The following DPP10 variants were observed in gnomAD, a reference collection of about 807,000 sequenced individuals.
The protein encoded by DPP10 is dipeptidyl peptidase like 10, also known as inactive dipeptidyl peptidase 10.
In DPP10, 33 loss-of-function variants were observed where a neutral mutation model predicts 120.9. That is an observed-to-expected ratio of 0.27 (90% confidence interval 0.21 to 0.37). The LOEUF is 0.37. DPP10 is among the 10% of genes least tolerant of loss of function. The pLI, the probability that DPP10 is intolerant of heterozygous loss-of-function variation, is 1.00. For missense variants in DPP10, 816 were observed against 942.8 expected (o/e 0.87, Z 1.76); for synonymous variants, 337 against 326.1 (o/e 1.03, Z -0.36).
chr2:115,292,908 C>T (rs774446229), intron 1 of DPP10, among the ~76,000 whole-genome samples: 14 of 152,036 alleles, frequency 9.2e-5, no homozygotes, highest in Admixed American at 2.0e-4. Flanking sequence ...GACAAGTGAA[C>T]GCCAAGGTCA....
intron 1 of DPP10, among the ~76,000 whole-genome samples, chr2:114,793,684 C>G (rs893851545): frequency 1.3e-5 from 2 of 152,156 alleles, no homozygotes; most frequent in African/African-American, 4.8e-5. Context: ...AAAGCGCCTA[C>G]TTTGGCCATC....
At chr2:114,567,947 C>T (rs749594436) in intron 1 of DPP10, among the ~76,000 whole-genome samples, 3 of 150,982 alleles carry the variant, frequency 2.0e-5, no homozygotes, top group African/African-American at 7.3e-5. Flanking sequence ...TTGATCGGTG[C>T]AGCAAACCAC....
rs1422176443 is a variant in DPP10 at position 115,660,608 on chromosome 2, C to G, written c.442-29079C>G. Among the ~76,000 whole-genome samples, 3 of 138,156 alleles carry G rather than the reference C, an allele frequency of 2.2e-5. No individual in the cohort carries two copies. In the Admixed American group the frequency reaches 2.3e-4, roughly 11 times the overall value. The allele number at this position is 138,156 out of a possible 152,430, so 90.6% of individuals were successfully genotyped here. A position where few individuals can be genotyped will look rare whatever the true frequency, so the allele number is the denominator to read the frequency against. The stretch of plus-strand genomic sequence containing the variant: ...TAAAATTATCATCTTATCTTAGACC[C>G]CATTATAATTCTTGTCTCATTCCTT... On this transcript the variant is annotated intron_variant, in intron 5 of 25. Transcript: ENST00000410059.
At chr2:115,024,706 T>C (rs1456706980) in intron 1 of DPP10, among the ~76,000 whole-genome samples, 2 of 147,886 alleles carry the variant, frequency 1.4e-5, no homozygotes, top group Admixed American at 6.8e-5. Context: ...TATATATATA[T>C]TTGTTAAATA....
chr2:114,581,340 C>T (rs1397541207), intron 1 of DPP10, among the ~76,000 whole-genome samples: 4 of 151,652 alleles, frequency 2.6e-5, no homozygotes, highest in South Asian at 2.1e-4. Context: ...CCCACCACCA[C>T]GCCTGGCTAA....
intron 3 of DPP10, among the ~76,000 whole-genome samples, chr2:115,372,822 G>A (rs528230531): frequency 6.6e-6 from 1 of 152,222 alleles, no homozygotes; most frequent in East Asian, 1.9e-4. Flanking sequence ...ATTCCTGGCA[G>A]GTTTGTACTG....
At chr2:114,644,250 A>G (rs1351623789) in intron 1 of DPP10, among the ~76,000 whole-genome samples, 4 of 151,288 alleles carry the variant, frequency 2.6e-5, no homozygotes, top group South Asian at 2.1e-4. Flanking sequence ...CTTGATTAAT[A>G]TATTTTATTT....
intron 1 of DPP10, among the ~76,000 whole-genome samples, chr2:114,604,479 C>T (rs1573771418): frequency 6.6e-6 from 1 of 152,060 alleles, no homozygotes; most frequent in Admixed American, 6.6e-5. Flanking sequence ...GACCCATCTG[C>T]GTGTACAGAT....
At chr2:115,243,674 C>T (rs1046956502) in intron 1 of DPP10, among the ~76,000 whole-genome samples, 1 of 151,894 alleles carries the variant, frequency 6.6e-6, no homozygotes, top group Admixed American at 6.6e-5. Flanking sequence ...GTCCAAGCAA[C>T]CAACAAGTAT....
chr2:115,239,297 T>C (rs2058152857), intron 1 of DPP10, among the ~76,000 whole-genome samples: 1 of 152,214 alleles, frequency 6.6e-6, no homozygotes, highest in Non-Finnish European at 1.5e-5. Context: ...GGAAAAATGC[T>C]ATCAAACAGC....
intron 1 of DPP10, among the ~76,000 whole-genome samples, chr2:115,034,887 C>A (rs1362366028): frequency 6.6e-6 from 1 of 152,216 alleles, no homozygotes; most frequent in Admixed American, 6.5e-5. Flanking sequence ...GTCTCCCTGA[C>A]TTCAGATTCT....
At chr2:115,131,672 T>C (rs1470545939) in intron 1 of DPP10, among the ~76,000 whole-genome samples, 1 of 152,194 alleles carries the variant, frequency 6.6e-6, no homozygotes, top group African/African-American at 2.4e-5. Context: ...ACTGATTTGT[T>C]ATCAGAAAAA....
chr2:115,793,624 A>G (rs1426721658), intron 19 of DPP10, among the ~76,000 whole-genome samples: 2 of 152,094 alleles, frequency 1.3e-5, no homozygotes, highest in Admixed American at 6.6e-5. Flanking sequence ...AGACACTACT[A>G]AAATAGATAA....
chr2:115,628,235 A>G (rs2085528103), intron 5 of DPP10, among the ~76,000 whole-genome samples: 1 of 152,068 alleles, frequency 6.6e-6, no homozygotes, highest in Non-Finnish European at 1.5e-5. Flanking sequence ...GATGCTTCTC[A>G]TTGTGGTTCT....
At chr2:114,974,748 C>T (rs61193339) in intron 1 of DPP10, among the ~76,000 whole-genome samples, 2,350 of 152,072 alleles carry the variant, frequency 0.015, 65 homozygotes, top group African/African-American at 0.054. Context: ...GTGGTCTATA[C>T]ACCTTCAAGG....
chr2:115,659,998 G>A, intron 5 of DPP10, among the ~76,000 whole-genome samples: 1 of 152,128 alleles, frequency 6.6e-6, no homozygotes. Flanking sequence ...TAAATCCATG[G>A]CATAGGGGTA....
chr2:114,865,914 A>T lies in DPP10; in HGVS notation c.60+423076A>T, dbSNP rs369129430. Among the ~76,000 whole-genome samples, 40 of 152,140 alleles carry T rather than the reference A, an allele frequency of 2.6e-4. No individual in the cohort carries two copies. In the East Asian group the frequency reaches 7.2e-3, roughly 27 times the overall value. On this transcript the variant is annotated intron_variant, in intron 1 of 25. Transcript: ENST00000410059. Reference sequence around the variant, plus strand: ...GATCACCTGAGGTAGGGAGTTCAAGACCAGCCTGACCAACATGGAGAAATC... The same window carrying T: ...GATCACCTGAGGTAGGGAGTTCAAGTCCAGCCTGACCAACATGGAGAAATC...
chr2:115,063,200 T>C (rs777372390), intron 1 of DPP10, among the ~76,000 whole-genome samples: 5 of 152,200 alleles, frequency 3.3e-5, no homozygotes, highest in Non-Finnish European at 7.3e-5. Context: ...TTTTGAGAAG[T>C]GTCTGTTCAT....
At position 114,893,760 on chromosome 2, in the gene DPP10, T is replaced by C. The variant is rs139601564; in HGVS notation, c.61-415479T>C. On this transcript the variant is annotated intron_variant, in intron 1 of 25. Transcript: ENST00000410059. ...TGACTTTCACATCATCCAATTAACA[T>C]ATTCATGATGCACATATTATCATAT... Among the ~76,000 whole-genome samples, 357 of 152,316 alleles carry C rather than the reference T, an allele frequency of 2.3e-3. 3 individuals carry two copies. Among genetic ancestry groups the C allele is most frequent in the African/African-American group, 8.1e-3 (338 of 41,564 alleles).
Sources: allele counts gnomAD v4.1 joint callset (sites outside exome capture counted in the v4.1 genomes callset), GRCh38; gene constraint gnomAD v4.1.1; transcripts MANE v1.5; gene names NCBI Gene and HGNC (gene_info 2026-07-23, HGNC 2026-07-21).